SAP130: variants seen among roughly 807,000 people sequenced by gnomAD.
SAP130 encodes histone deacetylase complex subunit SAP130.
In SAP130, 16 loss-of-function variants were observed where a neutral mutation model predicts 103.2. The observed-to-expected ratio is 0.16, with a 90% confidence interval of 0.10 to 0.24. The LOEUF is 0.24. Among genes scored for constraint, SAP130 ranks in the 10% least tolerant of loss-of-function variants. The pLI, the probability that SAP130 is intolerant of heterozygous loss-of-function variation, is 1.00. For synonymous variants in SAP130, 477 were observed against 497.0 expected (o/e 0.96, Z 0.53); for missense variants, 990 against 1,359.7 (o/e 0.73, Z 4.28).
intron 18 of SAP130, among the ~76,000 whole-genome samples, chr2:127,949,099 A>T (rs766902463): frequency 3.9e-5 from 6 of 152,192 alleles, no homozygotes; most frequent in Non-Finnish European, 7.3e-5. Flanking sequence ...AACTGTTAGC[A>T]TGTCCACCTC....
At chr2:127,949,025 AGTACAC>A in intron 18 of SAP130, among the ~76,000 whole-genome samples, 1 of 152,186 alleles carries the variant, frequency 6.6e-6, no homozygotes, top group East Asian at 1.9e-4. Context: ...CAAACCTCAG[AGTACAC>A]TTGTGAGGAA....
chr2:128,004,101 T>A (rs1042919597), intron 7 of SAP130, among the ~76,000 whole-genome samples: 5 of 151,696 alleles, frequency 3.3e-5, no homozygotes, highest in African/African-American at 4.8e-5. Context: ...CCTCCAGTGT[T>A]CAGATGGGTC....
intron 1 of SAP130, chr2:128,027,269 G>T: frequency 1.9e-6 from 2 of 1,080,444 alleles, no homozygotes; most frequent in Non-Finnish European, 2.3e-6. Context: ...CCCGCCACCC[G>T]GCCGCCGCTG....
chr2:128,018,486 A>AAAAAAAAAAAAAAAAC (rs1684935964), intron 2 of SAP130, among the ~76,000 whole-genome samples: 1 of 82,296 alleles, frequency 1.2e-5, no homozygotes, highest in African/African-American at 4.8e-5. Context: ...TTGTCTCCAA[A>AAAAAAAAAAAAAAAAC]AAAAAAAAAA....
intron 5 of SAP130, among the ~76,000 whole-genome samples, 166 bp downstream of exon 5, chr2:128,014,636 CT>C (rs1185866700): frequency 6.6e-6 from 1 of 152,126 alleles, no homozygotes; most frequent in Non-Finnish European, 1.5e-5. Context: ...AGCACCTGGC[CT>C]TTTTTTCTTT....
intron 6 of SAP130, among the ~76,000 whole-genome samples, chr2:128,011,564 T>C (rs979674802): frequency 6.6e-6 from 1 of 152,178 alleles, no homozygotes; most frequent in Non-Finnish European, 1.5e-5. Context: ...GCTCCTTGTC[T>C]TGGTTCTCGT....
rs977096343 is a variant in SAP130 at position 127,941,709 on chromosome 2, C to T, written c.*297G>A. 5 of 388,668 alleles carry T rather than the reference C, an allele frequency of 1.3e-5. No individual in the cohort carries two copies. Among genetic ancestry groups the T allele is most frequent in the Non-Finnish European group, 1.8e-5 (4 of 218,646 alleles). 24.1% of individuals were successfully genotyped at this position (388,668 alleles called of 1,614,324 possible). The stretch of plus-strand genomic sequence containing the variant: ...CTATAAACCGGAAGGCTGAAAAACA[C>T]CAGCCAGCCATCCTTGTCATTGCTT... On this transcript the variant is annotated 3_prime_UTR_variant, in exon 21 of 21. Transcript: ENST00000643581.
intron 14 of SAP130, among the ~76,000 whole-genome samples, chr2:127,978,972 G>A (rs574036994): frequency 7.9e-5 from 12 of 152,322 alleles, no homozygotes; most frequent in Non-Finnish European, 1.5e-5. Context: ...ATACATGTAA[G>A]TCCCAATCTT....
chr2:128,002,182 G>A (rs1000822432), intron 7 of SAP130, among the ~76,000 whole-genome samples: 2 of 152,136 alleles, frequency 1.3e-5, no homozygotes, highest in Non-Finnish European at 2.9e-5. Context: ...CTCCCAAAGT[G>A]CTGGGATTAT....
intron 7 of SAP130, among the ~76,000 whole-genome samples, chr2:128,007,519 T>C (rs1489388379): frequency 6.6e-6 from 1 of 152,238 alleles, no homozygotes; most frequent in African/African-American, 2.4e-5. Flanking sequence ...TCTGAATACA[T>C]TAACTTTTAT....
intron 12 of SAP130, among the ~76,000 whole-genome samples, chr2:127,992,444 C>A (rs1177960710): frequency 1.3e-5 from 2 of 151,962 alleles, no homozygotes; most frequent in African/African-American, 4.8e-5. Flanking sequence ...CCGTGCCTGG[C>A]TAATTTTGTA....
In SAP130 at chr2:128,017,868, T is replaced by G; in HGVS notation, c.160A>C (p.Met54Leu). 1 of 1,614,240 alleles carries G rather than the reference T, an allele frequency of 6.2e-7. No homozygotes were observed. The highest frequency in any genetic ancestry group is 8.5e-7 in the Non-Finnish European group (1 of 1,180,036). The change falls in exon 3 of 21, where the codon ATG becomes CTG. Residue 54 changes from methionine (M) to leucine (L), a missense_variant. Met to Leu is a conservative substitution (Grantham distance 15, BLOSUM62 2). Coordinates refer to ENST00000643581, the MANE Select transcript of SAP130 (RefSeq NM_001330301.2). ...RDSEVSAREHMSSSSSLQSRE... is the reference protein window; with the variant it reads ...RDSEVSAREHLSSSSSLQSRE... ...GACTGGAGGGAGCTGCTGGAACTCA[T>G]GTGCTCCCTGGCACTGACTTCAGAA...
chr2:128,002,335 G>A (rs368401323), intron 7 of SAP130, among the ~76,000 whole-genome samples: 2 of 152,052 alleles, frequency 1.3e-5, no homozygotes, highest in East Asian at 3.9e-4. Context: ...TTCAAGACCA[G>A]CCTGGCCAAC....
intron 16 of SAP130, 141 bp from the exon 17 acceptor site, chr2:127,950,549 G>A: frequency 1.0e-6 from 1 of 957,850 alleles, no homozygotes; most frequent in Non-Finnish European, 1.5e-6. Flanking sequence ...CTGGCACTGT[G>A]CTAAGCACTC....
At chr2:128,021,325 T>C (rs903462106) in intron 2 of SAP130, among the ~76,000 whole-genome samples, 8 of 151,784 alleles carry the variant, frequency 5.3e-5, no homozygotes, top group African/African-American at 9.7e-5. Context: ...CGGGCGCCTA[T>C]AGTCCCAGCT....
Position 128,018,429 on chromosome 2 carries a change from G to A in SAP130, c.113-514C>T, listed in dbSNP as rs61080295. Among the ~76,000 whole-genome samples, 26 of 141,324 alleles carry A rather than the reference G, an allele frequency of 1.8e-4. No individual in the cohort carries two copies. The East Asian group carries it at 5.5e-3, about 30-fold the overall frequency. 92.7% of individuals were successfully genotyped at this position (141,324 alleles called of 152,430 possible). A position where few individuals can be genotyped will look rare whatever the true frequency, so the allele number is the denominator to read the frequency against. ...GAGCCCAAAAGGCAGAGGTTGCAGT[G>A]AGCCAAGATTCCGTCACTGCACTCT... On this transcript the variant is annotated intron_variant, in intron 2 of 20. Transcript: ENST00000643581.
chr2:128,022,211 T>C (rs1305428502), intron 2 of SAP130, among the ~76,000 whole-genome samples: 1 of 152,210 alleles, frequency 6.6e-6, no homozygotes, highest in Non-Finnish European at 1.5e-5. Context: ...ATACCATCTG[T>C]AGTCCTATGT....
At chr2:127,943,694 A>G (rs1460141201) in intron 19 of SAP130, among the ~76,000 whole-genome samples, 1 of 152,262 alleles carries the variant, frequency 6.6e-6, no homozygotes, top group Non-Finnish European at 1.5e-5. Context: ...GAGCACTTAC[A>G]TGAATGCAGT....
At chr2:127,951,440 G>C (rs1269585130) in intron 16 of SAP130, among the ~76,000 whole-genome samples, 6 of 152,108 alleles carry the variant, frequency 3.9e-5, no homozygotes, top group African/African-American at 1.4e-4. Context: ...TGAATTTCTA[G>C]CATCCAACTC....
Sources: gnomAD v4.1 joint callset for allele counts (sites outside exome capture counted in the v4.1 genomes callset) on GRCh38, gnomAD v4.1.1 for gene constraint, MANE v1.5 for transcripts, NCBI Gene and HGNC (gene_info 2026-07-23, HGNC 2026-07-21) for gene names.